The following GCFC2 variants were observed in gnomAD, a reference collection of about 807,000 sequenced individuals.
GCFC2 encodes the protein GC-rich sequence DNA-binding factor 2.
In GCFC2, 102 loss-of-function variants were observed where a neutral mutation model predicts 99.4. The observed-to-expected ratio is 1.03, with a 90% CI of 0.87 to 1.21. GCFC2 has a LOEUF of 1.21. Ranked by LOEUF, GCFC2 falls within the 50% of genes most tolerant of loss-of-function variation. GCFC2 has a pLI of 0.00. For synonymous variants in GCFC2, 338 were observed against 316.8 expected (o/e 1.07, Z -0.71); for missense variants, 973 against 920.9 (o/e 1.06, Z -0.73).
intron 12 of GCFC2, among the ~76,000 whole-genome samples, chr2:75,674,649 T>A (rs1679261212): frequency 6.6e-6 from 1 of 152,054 alleles, no homozygotes; most frequent in Non-Finnish European, 1.5e-5. Flanking sequence ...AAAATAAAAA[T>A]GGCATACTAC....
rs1678664296 is a variant in GCFC2, at chr2:75,662,875, C to A, written c.*1791G>T. On this transcript the variant is annotated 3_prime_UTR_variant, in exon 17 of 17. Transcript: ENST00000321027. ...TTAAATAGAAAAAAATTACAAATTTCATGTGCAATAAAGTGTCTGCCACTT... is the reference window on the plus strand; with the variant it reads ...TTAAATAGAAAAAAATTACAAATTTAATGTGCAATAAAGTGTCTGCCACTT... 1 of 144,654 alleles carries A rather than the reference C, an allele frequency of 6.9e-6. No homozygotes were observed. The highest frequency in any genetic ancestry group is 2.6e-5 in the African/African-American group (1 of 38,586). 9.0% of individuals were successfully genotyped at this position (144,654 alleles called of 1,614,324 possible).
intron 7 of GCFC2, among the ~76,000 whole-genome samples, chr2:75,691,074 C>T (rs961509286): frequency 6.6e-6 from 1 of 152,118 alleles, no homozygotes; most frequent in South Asian, 2.1e-4. Context: ...TTTGCCAATA[C>T]AGGAGTCCCC....
chr2:75,712,677 A>G (rs6744455), upstream of GCFC2, among the ~76,000 whole-genome samples: 11,374 of 151,964 alleles, frequency 0.075, 1,377 homozygotes, highest in African/African-American at 0.26. Context: ...GAGCTGTAAC[A>G]CTCACCGTGA....
intron 9 of GCFC2, among the ~76,000 whole-genome samples, 155 bp downstream of exon 9, chr2:75,689,814 G>GA (rs1402090311): frequency 6.6e-6 from 1 of 152,156 alleles, no homozygotes; most frequent in Non-Finnish European, 1.5e-5. Context: ...TTTTTTCAGA[G>GA]AAAAGAGTCT....
chr2:75,673,698 T>C (rs537840853), intron 12 of GCFC2, among the ~76,000 whole-genome samples, 178 bp from the exon 13 acceptor site: 19 of 152,368 alleles, frequency 1.2e-4, no homozygotes, highest in Non-Finnish European at 2.1e-4. Flanking sequence ...ATGGGTATAG[T>C]TGGATCAATT....
chr2:75,707,186 T>C (rs1434127939), intron 1 of GCFC2, among the ~76,000 whole-genome samples: 4 of 152,316 alleles, frequency 2.6e-5, no homozygotes, highest in East Asian at 3.9e-4. Flanking sequence ...GCTCTCTTTA[T>C]AGTATGCCAT....
intron 5 of GCFC2, among the ~76,000 whole-genome samples, chr2:75,694,985 A>AT (rs1680243434): frequency 6.6e-6 from 1 of 151,978 alleles, no homozygotes; most frequent in South Asian, 2.1e-4. Context: ...TGGTTATTTT[A>AT]TTTTTTAACA....
Position 75,680,226 on chromosome 2 carries a change from G to C in GCFC2, c.1779C>G (p.Ser593=). 1.2e-6 allele frequency: 2 copies of C among 1,605,508 alleles called. No individual in the cohort carries two copies. Among genetic ancestry groups the C allele is most frequent in the South Asian group, 2.2e-5 (2 of 90,742 alleles). ...THCRVILEEH[S]TCENEVSKSR... ...TTTTACTAACTTCATTTTCACAAGT[G>C]GAATGTTCTTCAAGAATCACTCTGC... is the stretch of plus-strand genomic sequence containing the variant. Residue 593 remains serine, a synonymous_variant, in exon 12 of 17, where the codon TCC becomes TCG. Coordinates refer to ENST00000321027, the MANE Select transcript of GCFC2 (RefSeq NM_003203.5).
intron 1 of GCFC2, among the ~76,000 whole-genome samples, chr2:75,710,132 G>A (rs577906757): frequency 3.3e-5 from 5 of 152,110 alleles, no homozygotes; most frequent in African/African-American, 1.2e-4. Context: ...AATAAACAAA[G>A]GGGAATGTCC....
At chr2:75,708,065 C>A (rs2104429838) in intron 1 of GCFC2, among the ~76,000 whole-genome samples, 1 of 152,320 alleles carries the variant, frequency 6.6e-6, no homozygotes, top group South Asian at 2.1e-4. Flanking sequence ...GACTGAGTTG[C>A]AAGCTGAACT....
At chr2:75,703,366 C>T (rs892677757) in intron 2 of GCFC2, among the ~76,000 whole-genome samples, 4 of 152,044 alleles carry the variant, frequency 2.6e-5, no homozygotes, top group African/African-American at 9.7e-5. Flanking sequence ...CAGAAAAATG[C>T]CATGTACTTG....
chr2:75,672,360 A>C (rs1407427766), intron 13 of GCFC2, among the ~76,000 whole-genome samples: 3 of 146,848 alleles, frequency 2.0e-5, no homozygotes, highest in Non-Finnish European at 4.5e-5. Flanking sequence ...ATGTTTATAA[A>C]ATATATATTT....
In GCFC2 at chr2:75,699,746, T is replaced by C. The variant is rs116784440; in HGVS notation, c.717+1444A>G. Among the ~76,000 whole-genome samples, 410 of 152,076 alleles carry C rather than the reference T, an allele frequency of 2.7e-3. 1 individual carries two copies. Among genetic ancestry groups the C allele is most frequent in the African/African-American group, 9.6e-3 (399 of 41,478 alleles). On this transcript the variant is annotated intron_variant, in intron 4 of 16. Transcript: ENST00000321027. The stretch of plus-strand genomic sequence containing the variant: ...ATGCGCCACCATGCCTGGCTAGTTT[T>C]ATTTGTTTTTAGTAGAGTTCAGGTC...
chr2:75,675,754 A>C (rs1184702353), intron 12 of GCFC2, among the ~76,000 whole-genome samples: 3 of 151,214 alleles, frequency 2.0e-5, no homozygotes, highest in Admixed American at 1.3e-4. Context: ...AAAAAAAAAA[A>C]AAAACAAAAA....
rs1419554225 is a variant in GCFC2, at chr2:75,710,622, G to A, written c.234C>T (p.Thr78=). The A allele has an allele frequency of 1.3e-6, 2 of 1,515,322 alleles. No individual in the cohort carries two copies. The highest frequency in any genetic ancestry group is 1.8e-6 in the Non-Finnish European group (2 of 1,138,682). 93.9% of individuals were successfully genotyped at this position (1,515,322 alleles called of 1,614,324 possible). ...CTTCGTCCGCGCGGGGAGCCGCTTT[G>A]GTGGCACGCCGGGAGCTCGCCCAGA... ...GRVWASSRRA[T]KAAPRADEGS... The change falls in exon 1 of 17, where the codon ACC becomes ACT. Residue 78 remains threonine, a synonymous_variant. Coordinates refer to ENST00000321027, the MANE Select transcript of GCFC2 (RefSeq NM_003203.5).
upstream of GCFC2, chr2:75,711,164 G>A (rs910988903): frequency 9.1e-6 from 9 of 985,098 alleles, no homozygotes; most frequent in South Asian, 4.2e-4. Context: ...CAGAACTCAC[G>A]TGCTGTCCTT....
At chr2:75,702,051 G>A in intron 3 of GCFC2, 148 bp downstream of exon 3, 1 of 1,432,448 alleles carries the variant, frequency 7.0e-7, no homozygotes, top group Non-Finnish European at 9.1e-7. Context: ...ATCTTTTAGA[G>A]GTCACAATAT....
At position 75,664,551 on chromosome 2, in the gene GCFC2, T is replaced by C; in HGVS notation, c.*115A>G. ...TACAGAGGTGGAGTCCTGCTTTTTT[T>C]CAAATCCTACCTTCTATTACAGGGA... On this transcript the variant is annotated 3_prime_UTR_variant, in exon 17 of 17. Coordinates refer to ENST00000321027, the MANE Select transcript of GCFC2 (RefSeq NM_003203.5). 1 of 573,406 alleles carries C rather than the reference T, an allele frequency of 1.7e-6. No homozygotes were observed. The highest frequency in any genetic ancestry group is 3.1e-6 in the Non-Finnish European group (1 of 324,240). The allele number at this position is 573,406 out of a possible 1,614,324, so 35.5% of individuals were successfully genotyped here. A position where few individuals can be genotyped will look rare whatever the true frequency, so the allele number is the denominator to read the frequency against.
upstream of GCFC2, among the ~76,000 whole-genome samples, chr2:75,712,251 A>T (rs1681217734): frequency 8.6e-6 from 1 of 116,202 alleles, no homozygotes; most frequent in Non-Finnish European, 2.2e-5. Context: ...GATTGTAAAA[A>T]CACCAATCGG....
Sources: gnomAD v4.1 joint callset for allele counts (sites outside exome capture counted in the v4.1 genomes callset) on GRCh38, gnomAD v4.1.1 for gene constraint, MANE v1.5 for transcripts, NCBI Gene and HGNC (gene_info 2026-07-23, HGNC 2026-07-21) for gene names.